Variants in LDB2 observed in about 807,000 individuals in gnomAD.
The protein encoded by LDB2 is LIM domain binding 2, also known as LIM domain-binding protein 2.
Under a neutral mutation model 44.3 loss-of-function variants are expected in LDB2, and 12 were observed. The observed-to-expected ratio is 0.27, with a 90% CI of 0.17 to 0.44. The LOEUF (loss-of-function observed/expected upper bound fraction) is 0.44. Among genes scored for constraint, LDB2 ranks in the 20% least tolerant of loss-of-function variants. The pLI, the probability that LDB2 is intolerant of heterozygous loss-of-function variation, is 1.00. For missense variants in LDB2, 344 were observed against 473.5 expected (o/e 0.73, Z 2.54); for synonymous variants, 164 against 174.8 (o/e 0.94, Z 0.49).
At chr4:16,657,310 G>A (rs545447000) in intron 2 of LDB2, among the ~76,000 whole-genome samples, 5 of 152,150 alleles carry the variant, frequency 3.3e-5, no homozygotes, top group South Asian at 2.1e-4. Context: ...CTCAAGCTTC[G>A]AATATGTCCA....
chr4:16,657,114 G>A (rs578192922), intron 2 of LDB2, among the ~76,000 whole-genome samples: 90 of 152,092 alleles, frequency 5.9e-4, no homozygotes, highest in Non-Finnish European at 1.2e-3. Context: ...GTAATGAAGC[G>A]GACAATATAA....
chr4:16,606,487 T>G (rs1214547600), intron 2 of LDB2, among the ~76,000 whole-genome samples: 15 of 152,228 alleles, frequency 9.9e-5, no homozygotes, highest in Admixed American at 9.8e-4. Context: ...CACTTAATAT[T>G]GTCAAGTTTT....
chr4:16,860,263 T>C (rs191697469), intron 1 of LDB2, among the ~76,000 whole-genome samples: 2 of 152,304 alleles, frequency 1.3e-5, no homozygotes, highest in African/African-American at 4.8e-5. Context: ...TAAATACTAA[T>C]GAGACCTTTA....
intron 2 of LDB2, among the ~76,000 whole-genome samples, chr4:16,682,089 C>T (rs1748092444): frequency 6.6e-6 from 1 of 152,044 alleles, no homozygotes; most frequent in Non-Finnish European, 1.5e-5. Context: ...TGCTCATCAT[C>T]GTGTTTATTT....
At chr4:16,745,256 G>A (rs1034339129) in intron 2 of LDB2, among the ~76,000 whole-genome samples, 3 of 152,188 alleles carry the variant, frequency 2.0e-5, no homozygotes, top group African/African-American at 7.2e-5. Context: ...CACCTCAGAG[G>A]TAAGTCACAT....
At chr4:16,521,835 G>A (rs1017617991) in intron 5 of LDB2, among the ~76,000 whole-genome samples, 1 of 152,206 alleles carries the variant, frequency 6.6e-6, no homozygotes, top group Non-Finnish European at 1.5e-5. Context: ...ATTATGAGGT[G>A]TGGGTTTTGT....
chr4:16,738,955 C>G (rs1175717431), intron 2 of LDB2, among the ~76,000 whole-genome samples: 1 of 152,124 alleles, frequency 6.6e-6, no homozygotes, highest in Non-Finnish European at 1.5e-5. Flanking sequence ...ACTTGGGAAA[C>G]TCCCTATCAT....
chr4:16,527,056 A>G (rs11939871), intron 5 of LDB2, among the ~76,000 whole-genome samples: 34,667 of 152,208 alleles, frequency 0.23, 4,071 homozygotes, highest in South Asian at 0.3. Flanking sequence ...TACATTATTA[A>G]TAACTTATTT....
At chr4:16,875,347 T>G (rs940665547) in intron 1 of LDB2, among the ~76,000 whole-genome samples, 1 of 152,136 alleles carries the variant, frequency 6.6e-6, no homozygotes, top group African/African-American at 2.4e-5. Flanking sequence ...AAAATAAATT[T>G]TTAAAGATTA....
chr4:16,523,250 T>A (rs1726948275), intron 5 of LDB2, among the ~76,000 whole-genome samples: 1 of 152,028 alleles, frequency 6.6e-6, no homozygotes, highest in South Asian at 2.1e-4. Flanking sequence ...TATATACCAT[T>A]TTTTTTAACC....
chr4:16,604,329 G>A (rs926469807), intron 2 of LDB2, among the ~76,000 whole-genome samples: 2 of 151,914 alleles, frequency 1.3e-5, no homozygotes, highest in Non-Finnish European at 2.9e-5. Flanking sequence ...AGCTTTTGGG[G>A]AATGTTTTAA....
At chr4:16,542,782 GT>G in intron 5 of LDB2, among the ~76,000 whole-genome samples, 1 of 151,220 alleles carries the variant, frequency 6.6e-6, no homozygotes, top group African/African-American at 2.4e-5. Context: ...TTTTGTTTTT[GT>G]TTTTTGTTTT....
intron 5 of LDB2, among the ~76,000 whole-genome samples, chr4:16,535,224 CTCA>C (rs1158903814): frequency 1.3e-5 from 2 of 152,152 alleles, no homozygotes; most frequent in African/African-American, 4.8e-5. Context: ...AGGAGAGACC[CTCA>C]TCTAACATGA....
intron 2 of LDB2, among the ~76,000 whole-genome samples, chr4:16,635,370 A>C (rs1017766934): frequency 6.6e-6 from 1 of 152,176 alleles, no homozygotes; most frequent in East Asian, 1.9e-4. Flanking sequence ...ATTCCAGCTC[A>C]TGAATTAAAT....
At chr4:16,587,554 A>T (rs551856707) in intron 4 of LDB2, among the ~76,000 whole-genome samples, 13 of 151,868 alleles carry the variant, frequency 8.6e-5, no homozygotes, top group Non-Finnish European at 1.5e-4. Context: ...TTAAAAACCA[A>T]GGGCTTGGAG....
Position 16,802,186 on chromosome 4 carries a change from T to A in LDB2, c.133-42926A>T, listed in dbSNP as rs150230439. The stretch of plus-strand genomic sequence containing the variant: ...GAGTGGACGCCCATCCTCTTTGTGG[T>A]GAAAGTGAACTGAGACAAATGTCTG... On this transcript the variant is annotated intron_variant, in intron 1 of 7. Coordinates refer to ENST00000304523, the MANE Select transcript of LDB2 (RefSeq NM_001290.5). 2.3e-4 allele frequency among the ~76,000 whole-genome samples: 35 copies of A among 152,230 alleles called. 1 individual carries two copies. Among genetic ancestry groups the A allele is most frequent in the African/African-American group, 6.0e-4 (25 of 41,544 alleles).
intron 2 of LDB2, among the ~76,000 whole-genome samples, chr4:16,697,195 C>A (rs183858185): frequency 2.6e-5 from 4 of 151,570 alleles, no homozygotes; most frequent in Admixed American, 2.6e-4. Flanking sequence ...GAGGCTGAGG[C>A]GGGCGGATCA....
chr4:16,812,629 A>ATGTGTGTGTG (rs1177533777), intron 1 of LDB2, among the ~76,000 whole-genome samples: 34 of 34,016 alleles, frequency 1.0e-3, no homozygotes, highest in Non-Finnish European at 1.4e-3. Flanking sequence ...TGTATTAAAT[A>ATGTGTGTGTG]TATGTGTGTG....
intron 1 of LDB2, among the ~76,000 whole-genome samples, chr4:16,795,708 T>A (rs1430776952): frequency 2.0e-5 from 3 of 152,178 alleles, no homozygotes; most frequent in Non-Finnish European, 4.4e-5. Context: ...TGTCTTTCAC[T>A]AGACTCCGAA....
Sources: gnomAD v4.1 joint callset for allele counts (sites outside exome capture counted in the v4.1 genomes callset) on GRCh38, gnomAD v4.1.1 for gene constraint, MANE v1.5 for transcripts, NCBI Gene and HGNC (gene_info 2026-07-23, HGNC 2026-07-21) for gene names.